The following STK32C variants were observed in gnomAD, a reference collection of about 807,000 sequenced individuals.
STK32C encodes the protein serine/threonine-protein kinase 32C.
Under a neutral mutation model 56.5 loss-of-function variants are expected in STK32C, and 31 were observed. The ratio of observed to expected loss-of-function variants is 0.55; its 90% CI spans 0.41 to 0.74. The LOEUF is 0.74. Ranked by LOEUF, STK32C falls within the 30% of genes least tolerant of loss-of-function variation. The probability of loss-of-function intolerance (pLI) is 0.00; values close to 1 mark genes in which losing one functional copy is unlikely to be tolerated. For synonymous variants in STK32C, 309 were observed against 289.4 expected (o/e 1.07, Z -0.69); for missense variants, 544 against 676.9 (o/e 0.80, Z 2.18).
intron 7 of STK32C, among the ~76,000 whole-genome samples, chr10:132,224,903 G>A (rs1465649818): frequency 6.6e-6 from 1 of 152,186 alleles, no homozygotes; most frequent in Admixed American, 6.5e-5. Flanking sequence ...TGGCCACAAG[G>A]GTAAGAGCAC....
At chr10:132,213,152 G>A (rs906213513) in intron 10 of STK32C, among the ~76,000 whole-genome samples, 13 of 152,226 alleles carry the variant, frequency 8.5e-5, no homozygotes, top group African/African-American at 2.9e-4. Flanking sequence ...ATTCTCCACA[G>A]CAAATGGAAT....
At chr10:132,268,684 CCTGT>C (rs1172434751) in intron 1 of STK32C, among the ~76,000 whole-genome samples, 20 of 120,968 alleles carry the variant, frequency 1.7e-4, no homozygotes, top group East Asian at 1.6e-3. Context: ...CAGCTCTATG[CCTGT>C]CTGTGCGCAT....
At chr10:132,210,295 C>T (rs1395844189) in intron 10 of STK32C, among the ~76,000 whole-genome samples, 1 of 152,250 alleles carries the variant, frequency 6.6e-6, no homozygotes, top group Non-Finnish European at 1.5e-5. Context: ...CTCGCTCTGT[C>T]ACCCAGACTA....
chr10:132,224,649 T>C, intron 7 of STK32C, 126 bp from the exon 8 acceptor site: 1 of 707,736 alleles, frequency 1.4e-6, no homozygotes, highest in Non-Finnish European at 2.5e-6. Flanking sequence ...GGCACAGCTC[T>C]GAGCACAGCC....
At chr10:132,225,026 C>T (rs146499114) in intron 7 of STK32C, among the ~76,000 whole-genome samples, 5 of 152,350 alleles carry the variant, frequency 3.3e-5, no homozygotes, top group South Asian at 2.1e-4. Context: ...GCAGCGGCCC[C>T]GGGAAACCAC....
chr10:132,331,618 G>A, exon 1 of STK32C: 2 of 1,612,900 alleles, frequency 1.2e-6, no homozygotes, highest in Non-Finnish European at 8.5e-7. Flanking sequence ...CAGCGGGAAG[G>A]ACAGGCAGCG....
chr10:132,221,345 G>T (rs1361571989), intron 10 of STK32C, among the ~76,000 whole-genome samples: 1 of 93,656 alleles, frequency 1.1e-5, no homozygotes, highest in Non-Finnish European at 2.1e-5. Flanking sequence ...TGATGCTGAC[G>T]CACCTGGGCG....
At chr10:132,209,486 C>T (rs939571490) in intron 10 of STK32C, 8 of 375,586 alleles carry the variant, frequency 2.1e-5, no homozygotes, top group Non-Finnish European at 4.2e-5. Context: ...CACACCTGTC[C>T]CAGGCCTGCT....
intron 1 of STK32C, among the ~76,000 whole-genome samples, chr10:132,261,970 G>A (rs538955624): frequency 6.6e-6 from 1 of 152,130 alleles, no homozygotes; most frequent in Non-Finnish European, 1.5e-5. Flanking sequence ...AACCAAAAAT[G>A]AGCTCAAATA....
At chr10:132,304,721 CA>C (rs1466219314) in intron 1 of STK32C, among the ~76,000 whole-genome samples, 1 of 152,198 alleles carries the variant, frequency 6.6e-6, no homozygotes, top group African/African-American at 2.4e-5. Context: ...TAGGAAAAAA[CA>C]AAGGTGTTTC....
At chr10:132,221,390 A>G (rs189564166) in intron 10 of STK32C, among the ~76,000 whole-genome samples, 8 of 147,132 alleles carry the variant, frequency 5.4e-5, no homozygotes, top group African/African-American at 2.0e-4. Context: ...CCCTGCACAC[A>G]CAACCAAAGC....
chr10:132,257,733 C>G (rs2064174077), intron 1 of STK32C, among the ~76,000 whole-genome samples: 1 of 151,832 alleles, frequency 6.6e-6, no homozygotes, highest in Non-Finnish European at 1.5e-5. Flanking sequence ...TCCCCCCAAC[C>G]CCCACCCTCC....
downstream of STK32C, among the ~76,000 whole-genome samples, chr10:132,320,216 G>C (rs1051445690): frequency 4.6e-5 from 7 of 152,110 alleles, no homozygotes; most frequent in African/African-American, 1.7e-4. Context: ...GGGTGTGCAG[G>C]ATGGGTGCTA....
chr10:132,260,883 T>C (rs11146276), intron 1 of STK32C, among the ~76,000 whole-genome samples: 67,488 of 150,656 alleles, frequency 0.45, 16,260 homozygotes, highest in African/African-American at 0.58. Context: ...GGGGACAGGC[T>C]GCGAGGTCAG....
At chr10:132,254,912 C>A (rs148725409) in intron 1 of STK32C, among the ~76,000 whole-genome samples, 1 of 152,214 alleles carries the variant, frequency 6.6e-6, no homozygotes, top group African/African-American at 2.4e-5. Context: ...AGAGCTGCCA[C>A]GTGGTGGATG....
At chr10:132,331,462 C>G (rs2066733755) in exon 1 of STK32C, 1 of 1,612,314 alleles carries the variant, frequency 6.2e-7, no homozygotes, top group Admixed American at 1.7e-5. Context: ...CCTCACTCCT[C>G]CGTCCAGAGG....
chr10:132,246,348 T>C (rs149610240), intron 1 of STK32C, among the ~76,000 whole-genome samples: 79 of 152,316 alleles, frequency 5.2e-4, no homozygotes, highest in African/African-American at 1.8e-3. Context: ...GCCTGGGGTT[T>C]TGGGGGAAGC....
In STK32C at chr10:132,255,593, C is replaced by T. The variant is rs992987767; in HGVS notation, c.263-9638G>A. ...AACATAGAGCAGAAGCGTCCAGCCACAGCAGCACCCAGGAGAGGAGCAGGG... is the reference window on the plus strand; with the variant it reads ...AACATAGAGCAGAAGCGTCCAGCCATAGCAGCACCCAGGAGAGGAGCAGGG... On this transcript the variant is annotated intron_variant, in intron 1 of 11. Coordinates refer to ENST00000298630, the MANE Select transcript of STK32C (RefSeq NM_173575.4). The surrounding 1 kb of genome is among the most constrained non-coding windows in gnomAD (Gnocchi z 4.6). Among the ~76,000 whole-genome samples the T allele has an allele frequency of 6.6e-6, 1 of 152,232 alleles. No homozygotes were observed. The highest frequency in any genetic ancestry group is 1.5e-5 in the Non-Finnish European group (1 of 68,028).
upstream of STK32C, chr10:132,332,078 C>G: frequency 3.7e-6 from 1 of 268,856 alleles, no homozygotes; most frequent in Non-Finnish European, 7.0e-6. Flanking sequence ...CCCCCGCGCG[C>G]AGGCGCACCA....
Sources: gnomAD v4.1 joint callset for allele counts (sites outside exome capture counted in the v4.1 genomes callset) on GRCh38, gnomAD v4.1.1 for gene constraint, Gnocchi (gnomAD v3.1) non-coding constraint, MANE v1.5 for transcripts, NCBI Gene and HGNC (gene_info 2026-07-23, HGNC 2026-07-21) for gene names.